UGT2A3: variants seen among roughly 807,000 people sequenced by gnomAD.
The protein encoded by UGT2A3 is UDP-glucuronosyltransferase 2A3.
In UGT2A3, 55 loss-of-function variants were observed where a neutral mutation model predicts 44.1. That is an observed-to-expected ratio of 1.25 (90% CI 1.00 to 1.56). The LOEUF (loss-of-function observed/expected upper bound fraction) is 1.56, where lower values mean the gene tolerates loss of function less well. Ranked by LOEUF, UGT2A3 falls within the 40% of genes most tolerant of loss-of-function variation. The pLI, the probability that UGT2A3 is intolerant of heterozygous loss-of-function variation, is 0.00. For missense variants in UGT2A3, 733 were observed against 621.6 expected (o/e 1.18, Z -1.91); for synonymous variants, 243 against 215.1 (o/e 1.13, Z -1.13).
chr4:68,944,933 T>C (rs1718329686), intron 2 of UGT2A3, among the ~76,000 whole-genome samples: 1 of 151,760 alleles, frequency 6.6e-6, no homozygotes, highest in South Asian at 2.1e-4. Context: ...CTCATGAAAA[T>C]ATGCTTATTT....
At chr4:68,930,836 A>C in intron 4 of UGT2A3, 71 bp from the exon 5 acceptor site, 1 of 1,273,754 alleles carries the variant, frequency 7.9e-7, no homozygotes, top group Non-Finnish European at 1.1e-6. Context: ...TAAAGACTAC[A>C]GATGGGAATT....
intron 2 of UGT2A3, among the ~76,000 whole-genome samples, chr4:68,934,922 A>C (rs1004707007): frequency 4.0e-5 from 6 of 151,894 alleles, no homozygotes; most frequent in African/African-American, 1.4e-4. Flanking sequence ...AGAAATGAAA[A>C]GGACTATAAA....
At chr4:68,947,610 T>C (rs1013683610) in intron 1 of UGT2A3, among the ~76,000 whole-genome samples, 6 of 151,824 alleles carry the variant, frequency 4.0e-5, no homozygotes, top group Non-Finnish European at 8.8e-5. Context: ...AAAATCCTTT[T>C]GAAAAGGTTT....
chr4:68,934,195 A>T (rs1239641351), intron 2 of UGT2A3, among the ~76,000 whole-genome samples: 3 of 151,686 alleles, frequency 2.0e-5, no homozygotes, highest in African/African-American at 7.2e-5. Context: ...AACTATAAAT[A>T]AAAAAACAAA....
At position 68,930,660 on chromosome 4, in the gene UGT2A3, T is replaced by C. The variant is rs764996705; in HGVS notation, c.1190A>G (p.Gln397Arg). ...CTTCATGTGAGCTATGTTATCAAGCTGATCACCAAATATGGGAACTCCCAC... is the reference window on the plus strand; with the variant it reads ...CTTCATGTGAGCTATGTTATCAAGCCGATCACCAAATATGGGAACTCCCAC... Reference protein sequence around the residue: ...PMVGVPIFGDQLDNIAHMKAK... With the variant: ...PMVGVPIFGDRLDNIAHMKAK... Residue 397 changes from glutamine to arginine, a missense_variant, in exon 5 of 6, where the codon CAG (glutamine) becomes CGG (arginine). Gln to Arg is a conservative substitution (Grantham distance 43, BLOSUM62 1). Coordinates refer to ENST00000251566, the MANE Select transcript of UGT2A3 (RefSeq NM_024743.4). The C allele has an allele frequency of 6.2e-7, 1 of 1,613,570 alleles. No homozygotes were observed. The highest frequency in any genetic ancestry group is 1.1e-5 in the South Asian group (1 of 91,054).
intron 2 of UGT2A3, among the ~76,000 whole-genome samples, chr4:68,941,652 C>A (rs1240060495): frequency 6.6e-6 from 1 of 151,868 alleles, no homozygotes; most frequent in East Asian, 1.9e-4. Flanking sequence ...TATATCAAAG[C>A]ATTGAGCTTG....
At chr4:68,941,098 C>T (rs745786954) in intron 2 of UGT2A3, among the ~76,000 whole-genome samples, 1 of 151,608 alleles carries the variant, frequency 6.6e-6, no homozygotes, top group African/African-American at 2.4e-5. Flanking sequence ...TTTTACAAAA[C>T]CTGGCACTCC....
At chr4:68,932,819 G>A (rs1285581180) in intron 2 of UGT2A3, 60 bp from the exon 3 acceptor site, 2 of 1,496,214 alleles carry the variant, frequency 1.3e-6, no homozygotes, top group Non-Finnish European at 9.1e-7. Flanking sequence ...TAAAATAAAG[G>A]TTACTTACAC....
chr4:68,934,525 CAT>C lies in UGT2A3; in HGVS notation c.865-1768_865-1767del, dbSNP rs374748030. On this transcript the variant is annotated intron_variant, in intron 2 of 5. Coordinates refer to ENST00000251566, the MANE Select transcript of UGT2A3 (RefSeq NM_024743.4). ...AAAGCTTTAGCAAGGTAACTGAAAA[CAT>C]AACAAAATGAAACAAACCAGAAAAG... Among the ~76,000 whole-genome samples the C allele has an allele frequency of 4.8e-3, 726 of 151,940 alleles. 21 individuals are homozygous for C. In the South Asian group the frequency reaches 0.06, roughly 13 times the overall value.
At chr4:68,938,357 C>T (rs1343759363) in intron 2 of UGT2A3, among the ~76,000 whole-genome samples, 3 of 152,074 alleles carry the variant, frequency 2.0e-5, no homozygotes, top group African/African-American at 7.2e-5. Context: ...CCTTTTCCAC[C>T]ATGATCAAGT....
chr4:68,942,182 C>T (rs1166478529), intron 2 of UGT2A3, among the ~76,000 whole-genome samples: 1 of 151,526 alleles, frequency 6.6e-6, no homozygotes, highest in East Asian at 2.0e-4. Flanking sequence ...TCTATGTTTA[C>T]ATCAACATTA....
intron 4 of UGT2A3, 132 bp downstream of exon 4, chr4:68,931,023 A>G: frequency 2.5e-6 from 2 of 793,302 alleles, no homozygotes; most frequent in South Asian, 4.0e-5. Context: ...CAATCCTTTA[A>G]TTATATCTGC....
intron 2 of UGT2A3, among the ~76,000 whole-genome samples, chr4:68,944,916 A>C (rs916260697): frequency 1.3e-4 from 19 of 151,720 alleles, no homozygotes; most frequent in African/African-American, 4.6e-4. Context: ...GAATATATCC[A>C]ATATGTCTCA....
At chr4:68,942,036 G>T (rs144638288) in intron 2 of UGT2A3, among the ~76,000 whole-genome samples, 361 of 151,808 alleles carry the variant, frequency 2.4e-3, no homozygotes, top group Middle Eastern at 0.01. Flanking sequence ...TGAGGGAAAT[G>T]CAAATTAGTA....
At chr4:68,937,850 A>T (rs1343492900) in intron 2 of UGT2A3, among the ~76,000 whole-genome samples, 2 of 152,102 alleles carry the variant, frequency 1.3e-5, no homozygotes, top group African/African-American at 4.8e-5. Context: ...GAAAAATCAA[A>T]TAGACACAAT....
At chr4:68,948,968 G>A (rs976981625) in intron 1 of UGT2A3, among the ~76,000 whole-genome samples, 1 of 151,846 alleles carries the variant, frequency 6.6e-6, no homozygotes, top group African/African-American at 2.4e-5. Context: ...TTGGGAGCCA[G>A]CAAGTGCAGG....
Position 68,945,443 on chromosome 4 carries a change from T to C in UGT2A3, c.727A>G (p.Thr243Ala). ...FYSKALGRPT[T>A]LCETVGKAEI... ...GCTTTTCCCACAGTCTCACATAATG[T>C]AGTGGGCCTTCCTCAATAAAAGAAA... Residue 243 changes from threonine to alanine, a missense_variant, in exon 2 of 6, where the codon ACA (threonine) becomes GCA (alanine). By Grantham distance (58) the Thr-to-Ala change is moderately conservative (BLOSUM62 0). Transcript: ENST00000251566. 3 of 1,604,590 alleles carry C rather than the reference T, an allele frequency of 1.9e-6. No homozygotes were observed. The highest frequency in any genetic ancestry group is 2.6e-6 in the Non-Finnish European group (3 of 1,174,964).
At chr4:68,945,676 A>AAAGG (rs911645475) in intron 1 of UGT2A3, among the ~76,000 whole-genome samples, 10 of 149,162 alleles carry the variant, frequency 6.7e-5, no homozygotes, top group East Asian at 2.0e-4. Context: ...GGGAAGGAAG[A>AAAGG]AAGGAAGGAA....
intron 3 of UGT2A3, among the ~76,000 whole-genome samples, chr4:68,931,534 C>T (rs1295542575): frequency 6.6e-6 from 1 of 151,910 alleles, no homozygotes; most frequent in Non-Finnish European, 1.5e-5. Context: ...TCAGCAGTGG[C>T]TAATCTATTT....
Sources: gnomAD v4.1 joint callset for allele counts (sites outside exome capture counted in the v4.1 genomes callset) on GRCh38, gnomAD v4.1.1 for gene constraint, MANE v1.5 for transcripts, NCBI Gene and HGNC (gene_info 2026-07-23, HGNC 2026-07-21) for gene names.